The following KLHL32 variants were observed in gnomAD, a reference collection of about 807,000 sequenced individuals.
KLHL32 encodes kelch-like protein 32.
KLHL32 carries 35 observed loss-of-function variants against 64.8 expected under a neutral mutation model. The ratio of observed to expected loss-of-function variants is 0.54; its 90% CI spans 0.41 to 0.72. KLHL32 has a LOEUF of 0.72. KLHL32 is among the 30% of genes least tolerant of loss of function. The pLI, the probability that KLHL32 is intolerant of heterozygous loss-of-function variation, is 0.00. For missense variants in KLHL32, 589 were observed against 768.5 expected (o/e 0.77, Z 2.76); for synonymous variants, 259 against 281.0 (o/e 0.92, Z 0.78).
intron 1 of KLHL32, among the ~76,000 whole-genome samples, chr6:96,933,581 C>G (rs985621805): frequency 6.6e-6 from 1 of 152,122 alleles, no homozygotes; most frequent in Admixed American, 6.6e-5. Context: ...ATTCATTTCC[C>G]CTTTGTATCT....
chr6:96,972,469 T>A (rs569543786), intron 2 of KLHL32, among the ~76,000 whole-genome samples: 8 of 152,230 alleles, frequency 5.3e-5, no homozygotes, highest in African/African-American at 1.9e-4. Context: ...CATATACTCT[T>A]TTGTATTGAT....
chr6:97,131,027 G>A (rs1379080703), intron 9 of KLHL32, 78 bp downstream of exon 9: 3 of 1,233,052 alleles, frequency 2.4e-6, no homozygotes, highest in Non-Finnish European at 3.5e-6. Context: ...CATCTTTAGG[G>A]CATCACTAAA....
intron 3 of KLHL32, among the ~76,000 whole-genome samples, chr6:97,000,470 C>G (rs1038245589): frequency 6.6e-6 from 1 of 152,018 alleles, no homozygotes; most frequent in Non-Finnish European, 1.5e-5. Context: ...TGATCTTGTC[C>G]CAGATGTTTA....
At chr6:96,898,982 T>A in the KLHL32 span, among the ~76,000 whole-genome samples, 1 of 152,130 alleles carries the variant, frequency 6.6e-6, no homozygotes, top group East Asian at 1.9e-4. Context: ...GATGTAAAGA[T>A]AATCGAATAG....
intron 8 of KLHL32, among the ~76,000 whole-genome samples, chr6:97,129,107 T>A (rs1205282544): frequency 6.6e-6 from 1 of 152,212 alleles, no homozygotes; most frequent in Admixed American, 6.5e-5. Context: ...GGGGAACAGA[T>A]AAATGCAAGC....
At chr6:97,127,546 T>G in intron 8 of KLHL32, 84 bp downstream of exon 8, 1 of 1,113,828 alleles carries the variant, frequency 9.0e-7, no homozygotes, top group East Asian at 2.4e-5. Flanking sequence ...GAATGCCAAG[T>G]GTACACACAC....
rs542773586 is a variant in KLHL32, at chr6:97,002,533, G to T, written c.204+26356G>T. On this transcript the variant is annotated intron_variant, in intron 3 of 10. Coordinates refer to ENST00000369261, the MANE Select transcript of KLHL32 (RefSeq NM_052904.4). ...TGCAGGTTTGTTATATAGGTAAATT[G>T]TGCGTCATAGGAGTTTGGTGTACAG... Among the ~76,000 whole-genome samples the T allele has an allele frequency of 2.0e-5, 3 of 152,256 alleles. No homozygotes were observed. The South Asian group carries it at 6.2e-4, about 31-fold the overall frequency.
intron 3 of KLHL32, among the ~76,000 whole-genome samples, chr6:96,999,275 A>G (rs1052011413): frequency 1.3e-5 from 2 of 152,130 alleles, no homozygotes; most frequent in Admixed American, 6.5e-5. Flanking sequence ...ACGTGCCTGT[A>G]GTCCTCGCTC....
intron 2 of KLHL32, among the ~76,000 whole-genome samples, chr6:96,972,529 G>A (rs963128944): frequency 3.3e-5 from 5 of 152,162 alleles, no homozygotes; most frequent in Admixed American, 1.3e-4. Flanking sequence ...GGGAAGCCAG[G>A]ACACTGTCTG....
At chr6:97,092,874 G>T (rs890583945) in intron 6 of KLHL32, among the ~76,000 whole-genome samples, 2 of 152,222 alleles carry the variant, frequency 1.3e-5, no homozygotes, top group Non-Finnish European at 2.9e-5. Context: ...TTGCTGAGTA[G>T]CTGTGAGGGG....
intron 6 of KLHL32, among the ~76,000 whole-genome samples, chr6:97,106,720 G>T (rs1407192036): frequency 6.6e-6 from 1 of 151,090 alleles, no homozygotes; most frequent in Non-Finnish European, 1.5e-5. Context: ...CTCCACTCCG[G>T]GTGACAGAGG....
At chr6:97,090,079 C>T (rs1794012587) in intron 6 of KLHL32, among the ~76,000 whole-genome samples, 1 of 152,068 alleles carries the variant, frequency 6.6e-6, no homozygotes, top group African/African-American at 2.4e-5. Context: ...CATATTTGTC[C>T]GTGATTATCC....
intron 6 of KLHL32, among the ~76,000 whole-genome samples, chr6:97,087,922 A>G (rs1793671197): frequency 6.6e-6 from 1 of 152,180 alleles, no homozygotes; most frequent in Non-Finnish European, 1.5e-5. Context: ...TGTTGTATGC[A>G]GGCCACGGTA....
At chr6:96,974,686 T>C (rs1775504526) in intron 2 of KLHL32, among the ~76,000 whole-genome samples, 1 of 152,214 alleles carries the variant, frequency 6.6e-6, no homozygotes. Flanking sequence ...TCACAGGAAG[T>C]ATTTGGTTAA....
intron 3 of KLHL32, among the ~76,000 whole-genome samples, chr6:97,021,347 G>A (rs1462528701): frequency 6.6e-6 from 1 of 150,796 alleles, no homozygotes; most frequent in African/African-American, 2.5e-5. Flanking sequence ...GAAAGCCTGA[G>A]ACCCAGGAGA....
intron 10 of KLHL32, 54 bp from the exon 11 acceptor site, chr6:97,139,065 CTT>C: frequency 6.6e-7 from 1 of 1,518,514 alleles, no homozygotes; most frequent in Non-Finnish European, 8.9e-7. Flanking sequence ...GTATACATAG[CTT>C]TATTTTGAGC....
chr6:97,108,260 T>C (rs1429732781), intron 6 of KLHL32, among the ~76,000 whole-genome samples: 1 of 152,190 alleles, frequency 6.6e-6, no homozygotes, highest in East Asian at 1.9e-4. Flanking sequence ...GATTTCAGTA[T>C]GCCAGAATAA....
At chr6:96,993,806 A>C (rs936152732) in intron 3 of KLHL32, among the ~76,000 whole-genome samples, 2 of 152,136 alleles carry the variant, frequency 1.3e-5, no homozygotes, top group African/African-American at 2.4e-5. Flanking sequence ...TCTGAGCCCC[A>C]ATTCCCACAG....
At chr6:97,002,575 G>T (rs1226334203) in intron 3 of KLHL32, among the ~76,000 whole-genome samples, 1 of 152,092 alleles carries the variant, frequency 6.6e-6, no homozygotes, top group Non-Finnish European at 1.5e-5. Flanking sequence ...TCATTACTCA[G>T]GTCCTAAGCG....
Sources: gnomAD v4.1 joint callset for allele counts (sites outside exome capture counted in the v4.1 genomes callset) on GRCh38, gnomAD v4.1.1 for gene constraint, MANE v1.5 for transcripts, NCBI Gene and HGNC (gene_info 2026-07-23, HGNC 2026-07-21) for gene names.